Variants in PTPRD observed in about 807,000 individuals in gnomAD.
PTPRD encodes protein tyrosine phosphatase receptor type D, also known as receptor-type tyrosine-protein phosphatase delta.
A neutral mutation model predicts 214.5 loss-of-function variants in PTPRD; 34 were observed. The observed-to-expected ratio is 0.16, with a 90% confidence interval of 0.12 to 0.21. PTPRD has a LOEUF of 0.21. PTPRD is among the 10% of genes least tolerant of loss of function. The pLI is 1.00. For synonymous variants in PTPRD, 1,128 were observed against 845.7 expected (o/e 1.33, Z -5.79); for missense variants, 2,545 against 2,398.7 (o/e 1.06, Z -1.27).
At chr9:10,276,665 A>C (rs565630278) in intron 3 of PTPRD, among the ~76,000 whole-genome samples, 9 of 152,356 alleles carry the variant, frequency 5.9e-5, no homozygotes, top group Non-Finnish European at 1.3e-4. Flanking sequence ...TAAAAGATAC[A>C]TATATTGCAC....
At chr9:8,676,864 G>A (rs1464214425) in intron 12 of PTPRD, among the ~76,000 whole-genome samples, 1 of 152,102 alleles carries the variant, frequency 6.6e-6, no homozygotes, top group Admixed American at 6.5e-5. Context: ...GTGAGCCACC[G>A]TGCCCGGCCC....
intron 3 of PTPRD, among the ~76,000 whole-genome samples, chr9:10,158,299 C>A (rs779103932): frequency 7.2e-5 from 11 of 152,196 alleles, no homozygotes; most frequent in Non-Finnish European, 1.3e-4. Context: ...TGAGCCACTG[C>A]ACCCAGCCAT....
At chr9:9,301,241 A>G (rs1569567183) in intron 9 of PTPRD, among the ~76,000 whole-genome samples, 3 of 151,904 alleles carry the variant, frequency 2.0e-5, no homozygotes. Flanking sequence ...TTGAGGATGC[A>G]TTGAATTTAG....
At chr9:8,354,064 T>A (rs2076358981) in intron 39 of PTPRD, among the ~76,000 whole-genome samples, 1 of 149,368 alleles carries the variant, frequency 6.7e-6, no homozygotes, top group Non-Finnish European at 1.5e-5. Context: ...GTTCAAGCAA[T>A]CATATTTTTT....
intron 3 of PTPRD, among the ~76,000 whole-genome samples, chr9:10,126,068 C>G (rs34140498): frequency 0.039 from 5,909 of 152,104 alleles, 134 homozygotes; most frequent in East Asian, 0.065. Flanking sequence ...AAGCAATATA[C>G]GGAAGTTGTA....
chr9:9,241,713 C>T (rs902596565), intron 9 of PTPRD, among the ~76,000 whole-genome samples: 1 of 151,684 alleles, frequency 6.6e-6, no homozygotes, highest in Non-Finnish European at 1.5e-5. Context: ...CTTCCTCCAA[C>T]CCTTTATTCT....
At chr9:9,133,310 C>A (rs1300655093) in intron 10 of PTPRD, among the ~76,000 whole-genome samples, 2 of 152,152 alleles carry the variant, frequency 1.3e-5, no homozygotes, top group Non-Finnish European at 1.5e-5. Context: ...CCAGGCTTGG[C>A]AAGTTTCCTA....
At chr9:9,260,604 G>C (rs958094014) in intron 9 of PTPRD, among the ~76,000 whole-genome samples, 1 of 151,754 alleles carries the variant, frequency 6.6e-6, no homozygotes, top group Admixed American at 6.6e-5. Flanking sequence ...GGGTGAGGTA[G>C]GATAGGGTTG....
At chr9:8,449,883 G>T (rs1050872602) in intron 33 of PTPRD, 46 bp from the exon 34 acceptor site, 1 of 1,576,438 alleles carries the variant, frequency 6.3e-7, no homozygotes, top group Non-Finnish European at 8.7e-7. Flanking sequence ...AAAATCAATT[G>T]AAACAGATAG....
intron 2 of PTPRD, among the ~76,000 whole-genome samples, chr9:10,503,609 G>A (rs960273490): frequency 6.6e-6 from 1 of 151,970 alleles, no homozygotes; most frequent in African/African-American, 2.4e-5. Context: ...ACTTTGGCAG[G>A]TACTATTGGA....
intron 39 of PTPRD, among the ~76,000 whole-genome samples, chr9:8,373,848 G>GTA (rs779430541): frequency 0.049 from 5,500 of 112,696 alleles, 158 homozygotes; most frequent in Middle Eastern, 0.067. Context: ...ATGTATGTAT[G>GTA]TGTATGTGTC....
chr9:10,531,554 T>C (rs1255698509), intron 2 of PTPRD, among the ~76,000 whole-genome samples: 3 of 152,214 alleles, frequency 2.0e-5, no homozygotes, highest in African/African-American at 7.2e-5. Flanking sequence ...TGAAATTTGC[T>C]TATATTCATG....
chr9:8,336,504 C>G (rs1846897473), intron 43 of PTPRD, among the ~76,000 whole-genome samples: 1 of 127,788 alleles, frequency 7.8e-6, no homozygotes, highest in Non-Finnish European at 1.7e-5. Flanking sequence ...AGAAGAAAAC[C>G]TAGGCAATAC....
At chr9:9,245,620 G>T (rs1164408361) in intron 9 of PTPRD, among the ~76,000 whole-genome samples, 10 of 152,002 alleles carry the variant, frequency 6.6e-5, no homozygotes, top group Non-Finnish European at 1.3e-4. Flanking sequence ...GGCCTGTTGT[G>T]GGGTGGGGGG....
chr9:10,523,624 GAC>G (rs1566724926), intron 2 of PTPRD, among the ~76,000 whole-genome samples: 12 of 20,324 alleles, frequency 5.9e-4, no homozygotes, highest in African/African-American at 7.4e-4. Context: ...TATATATATA[GAC>G]AGAAAGAAAG....
At chr9:9,352,895 CAG>C (rs1372280727) in intron 9 of PTPRD, among the ~76,000 whole-genome samples, 2 of 151,960 alleles carry the variant, frequency 1.3e-5, no homozygotes, top group Non-Finnish European at 2.9e-5. Context: ...AGTGTTCACT[CAG>C]TGTTTTTATA....
intron 35 of PTPRD, among the ~76,000 whole-genome samples, chr9:8,415,954 T>G (rs2131307547): frequency 6.6e-6 from 1 of 152,292 alleles, no homozygotes; most frequent in East Asian, 1.9e-4. Context: ...AAGCCTGTCT[T>G]GGGATCACTT....
chr9:9,440,837 T>C (rs2087358857), intron 8 of PTPRD, among the ~76,000 whole-genome samples: 1 of 152,194 alleles, frequency 6.6e-6, no homozygotes, highest in African/African-American at 2.4e-5. Context: ...GATTCATGAT[T>C]ATGTTTAGCA....
chr9:9,854,720 A>C (rs574684454), intron 5 of PTPRD, among the ~76,000 whole-genome samples: 1 of 152,108 alleles, frequency 6.6e-6, no homozygotes, highest in East Asian at 1.9e-4. Context: ...ATCCCTTTCA[A>C]CTTCATCTTT....
Sources: gnomAD v4.1 joint callset for allele counts (sites outside exome capture counted in the v4.1 genomes callset) on GRCh38, gnomAD v4.1.1 for gene constraint, MANE v1.5 for transcripts, NCBI Gene and HGNC (gene_info 2026-07-23, HGNC 2026-07-21) for gene names.